The following TCF20 variants were observed in gnomAD, a reference collection of about 807,000 sequenced individuals.
TCF20 encodes SPRE-binding protein.
A neutral mutation model predicts 148.6 loss-of-function variants in TCF20; 3 were observed. The ratio of observed to expected loss-of-function variants is 0.02; its 90% confidence interval spans 0.01 to 0.05. TCF20 has a LOEUF of 0.05. Ranked by LOEUF, TCF20 falls within the 10% of genes least tolerant of loss-of-function variation. The pLI is 1.00. For synonymous variants in TCF20, 1,049 were observed against 909.5 expected (o/e 1.15, Z -2.76); for missense variants, 2,350 against 2,429.3 (o/e 0.97, Z 0.69).
intron 3 of TCF20, among the ~76,000 whole-genome samples, chr22:42,178,118 G>A (rs779865412): frequency 6.6e-6 from 1 of 152,186 alleles, no homozygotes; most frequent in Admixed American, 6.5e-5. Flanking sequence ...GTAGATGAAG[G>A]TGCCTCAGGG....
At chr22:42,179,726 C>T (rs773509631) in intron 2 of TCF20, 24 bp from the exon 3 acceptor site, 2 of 1,560,390 alleles carry the variant, frequency 1.3e-6, no homozygotes, top group South Asian at 2.2e-5. Flanking sequence ...AAAAGTCAGG[C>T]ATGTCAGTAT....
At chr22:42,168,490 G>C (rs1450849188) in intron 5 of TCF20, 119 bp downstream of exon 5, 3 of 1,387,082 alleles carry the variant, frequency 2.2e-6, no homozygotes, top group Non-Finnish European at 2.9e-6. Flanking sequence ...CATCCACCTG[G>C]CGTTGTCATC....
chr22:42,216,071 A>C (rs1480020990), intron 1 of TCF20, among the ~76,000 whole-genome samples: 2 of 97,704 alleles, frequency 2.0e-5, no homozygotes, highest in African/African-American at 3.9e-5. Flanking sequence ...GGTAAGAAAA[A>C]CCAAATCCTT....
At chr22:42,186,250 A>G (rs1304045544) in intron 2 of TCF20, among the ~76,000 whole-genome samples, 1 of 152,198 alleles carries the variant, frequency 6.6e-6, no homozygotes, top group Non-Finnish European at 1.5e-5. Flanking sequence ...GGAGAAAAAA[A>G]CTGAGGGTGT....
intron 1 of TCF20, among the ~76,000 whole-genome samples, chr22:42,282,607 T>C (rs1156543174): frequency 6.6e-6 from 1 of 152,222 alleles, no homozygotes; most frequent in African/African-American, 2.4e-5. Flanking sequence ...GGGAAGCAGC[T>C]GCGGGCAGAA....
chr22:42,255,584 C>A (rs983661992), intron 1 of TCF20, among the ~76,000 whole-genome samples: 3 of 152,078 alleles, frequency 2.0e-5, no homozygotes, highest in Non-Finnish European at 2.9e-5. Context: ...GCTTGCCGAC[C>A]TGTTTTGGAA....
chr22:42,179,070 G>C (rs569960323), intron 3 of TCF20, among the ~76,000 whole-genome samples: 2 of 150,244 alleles, frequency 1.3e-5, no homozygotes, highest in Middle Eastern at 3.5e-3. Context: ...ACATATGACA[G>C]CAAGTGTCAG....
At chr22:42,196,523 T>C (rs1937606432) in intron 2 of TCF20, among the ~76,000 whole-genome samples, 1 of 152,202 alleles carries the variant, frequency 6.6e-6, no homozygotes, top group Admixed American at 6.5e-5. Context: ...CTTATCCTAA[T>C]GAATTACACT....
chr22:42,180,834 G>C (rs1278345375), intron 2 of TCF20, among the ~76,000 whole-genome samples: 1 of 152,228 alleles, frequency 6.6e-6, no homozygotes, highest in Non-Finnish European at 1.5e-5. Context: ...TTCCAGGTCA[G>C]AGCTGAGATT....
chr22:42,212,617 T>G lies in TCF20; in HGVS notation c.2689A>C (p.Asn897His). The G allele has an allele frequency of 6.2e-7, 1 of 1,614,116 alleles. No homozygotes were observed. The highest frequency in any genetic ancestry group is 8.5e-7 in the Non-Finnish European group (1 of 1,179,986). ...CTTAAAGTTGGATTGAGACGGTCAT[T>G]CCTCCCAATTCTGGTGTCGGCACTC... ...HMSADTRIGR[N>H]DRLNPTLSQS... is the part of the protein sequence containing the mutation. The change falls in exon 2 of 6, where the codon AAT becomes CAT. Residue 897 changes from asparagine (N) to histidine (H), a missense_variant. Physicochemically the swap from Asn to His is moderately conservative, Grantham distance 68. Transcript: ENST00000677622.
At chr22:42,284,837 A>G (rs564865344), upstream of TCF20, among the ~76,000 whole-genome samples, 1 of 152,294 alleles carries the variant, frequency 6.6e-6, no homozygotes, top group African/African-American at 2.4e-5. Context: ...TTCCTACCCC[A>G]TGGCAATGCC....
At chr22:42,202,460 G>A (rs1464862765) in intron 2 of TCF20, among the ~76,000 whole-genome samples, 2 of 152,216 alleles carry the variant, frequency 1.3e-5, no homozygotes, top group Admixed American at 6.5e-5. Context: ...TAGTGACCTC[G>A]CAAGGAAACA....
Position 42,169,849 on chromosome 22 carries a change from T to C in TCF20, c.5797A>G (p.Lys1933Glu). The stretch of plus-strand genomic sequence containing the variant: ...AGCTCTTGGGGCCTCTGACTCACCT[T>C]GTGCTTAGGGCACCTCACCGAGAAG... ...ENFSVRCPKH[K>E]PPLPCPLPPL... The change falls in exon 4 of 6, where the codon AAG becomes GAG. Residue 1933 changes from lysine to glutamate, a missense_variant and splice_region_variant. Transcript: ENST00000677622. 1 of 1,613,550 alleles carries C rather than the reference T, an allele frequency of 6.2e-7. No homozygotes were observed. Among genetic ancestry groups the C allele is most frequent in the Non-Finnish European group, 8.5e-7 (1 of 1,180,004 alleles).
chr22:42,329,059 T>G (rs543928660), intron 1 of TCF20, among the ~76,000 whole-genome samples: 1 of 152,280 alleles, frequency 6.6e-6, no homozygotes, highest in East Asian at 1.9e-4. Flanking sequence ...TTAATTTCAT[T>G]TCCCCGCTCC....
intron 2 of TCF20, among the ~76,000 whole-genome samples, chr22:42,183,299 G>A (rs938444889): frequency 7.9e-6 from 1 of 126,676 alleles, no homozygotes; most frequent in African/African-American, 2.6e-5. Context: ...AAGAACCTGT[G>A]ATCTTATATA....
At chr22:42,180,745 C>T (rs942176039) in intron 2 of TCF20, among the ~76,000 whole-genome samples, 4 of 152,208 alleles carry the variant, frequency 2.6e-5, no homozygotes, top group African/African-American at 9.7e-5. Context: ...TCTCATCCAG[C>T]CCTCTGCACT....
intron 1 of TCF20, among the ~76,000 whole-genome samples, chr22:42,219,167 T>C (rs1922096082): frequency 6.6e-6 from 1 of 151,626 alleles, no homozygotes; most frequent in Non-Finnish European, 1.5e-5. Flanking sequence ...GAGGATCGCT[T>C]GAGGTCAGGA....
intron 1 of TCF20, among the ~76,000 whole-genome samples, chr22:42,241,410 A>C (rs1298218993): frequency 1.3e-5 from 2 of 152,238 alleles, no homozygotes; most frequent in African/African-American, 4.8e-5. Context: ...ATAAAAGCGA[A>C]GTTTGAAAAA....
chr22:42,219,973 G>A (rs1922204193), intron 1 of TCF20, among the ~76,000 whole-genome samples: 1 of 152,218 alleles, frequency 6.6e-6, no homozygotes, highest in East Asian at 1.9e-4. Context: ...CTGTGGAGGT[G>A]TATTAGTGAG....
Sources: gnomAD v4.1 joint callset for allele counts (sites outside exome capture counted in the v4.1 genomes callset) on GRCh38, gnomAD v4.1.1 for gene constraint, MANE v1.5 for transcripts, NCBI Gene and HGNC (gene_info 2026-07-23, HGNC 2026-07-21) for gene names.